The following PIK3R6 variants were observed in gnomAD, a reference collection of about 807,000 sequenced individuals.
PIK3R6 encodes the protein phosphoinositide 3-kinase regulatory subunit 6.
In PIK3R6, 91 loss-of-function variants were observed where a neutral mutation model predicts 84.9. That is an observed-to-expected ratio of 1.07 (90% confidence interval 0.90 to 1.28). PIK3R6 has a LOEUF of 1.28. Ranked by LOEUF, PIK3R6 falls within the 50% of genes most tolerant of loss-of-function variation. PIK3R6 has a pLI of 0.00. For synonymous variants in PIK3R6, 416 were observed against 411.4 expected (o/e 1.01, Z -0.13); for missense variants, 996 against 985.1 (o/e 1.01, Z -0.15).
intron 18 of PIK3R6, among the ~76,000 whole-genome samples, chr17:8,815,306 G>C (rs112537998): frequency 0.023 from 3,443 of 152,278 alleles, 126 homozygotes; most frequent in African/African-American, 0.076. Context: ...AAGAGATAGA[G>C]ACAATCCTGG....
chr17:8,806,476 C>A (rs940893200), intron 18 of PIK3R6, among the ~76,000 whole-genome samples: 3 of 152,164 alleles, frequency 2.0e-5, no homozygotes, highest in Admixed American at 1.3e-4. Context: ...TTTCATTTCC[C>A]TTTGTGGTCT....
chr17:8,829,548 A>C (rs1567588723), intron 10 of PIK3R6, among the ~76,000 whole-genome samples, 158 bp downstream of exon 10: 2 of 149,766 alleles, frequency 1.3e-5, no homozygotes, highest in African/African-American at 5.0e-5. Context: ...ATGCACACAG[A>C]CACACACTCA....
chr17:8,828,413 C>T (rs1010849222), intron 11 of PIK3R6, among the ~76,000 whole-genome samples, 154 bp downstream of exon 11: 3 of 152,114 alleles, frequency 2.0e-5, no homozygotes, highest in Non-Finnish European at 2.9e-5. Context: ...TGCTCTGTGA[C>T]GGCTGCGGGC....
chr17:8,814,613 C>T (rs1454359120), intron 18 of PIK3R6, among the ~76,000 whole-genome samples: 1 of 151,802 alleles, frequency 6.6e-6, no homozygotes, highest in Non-Finnish European at 1.5e-5. Context: ...AAGAAAACTC[C>T]CCCAAAATTG....
chr17:8,835,136 C>G (rs931909446), intron 8 of PIK3R6, 137 bp downstream of exon 8: 2 of 1,066,542 alleles, frequency 1.9e-6, no homozygotes, highest in East Asian at 5.4e-5. Flanking sequence ...CTGCGCCCAG[C>G]CAAAATGTAT....
intron 9 of PIK3R6, among the ~76,000 whole-genome samples, chr17:8,831,732 T>C (rs1312038677): frequency 6.6e-6 from 1 of 152,182 alleles, no homozygotes; most frequent in Non-Finnish European, 1.5e-5. Flanking sequence ...CCATGCCTTA[T>C]AATGACAGGT....
Position 8,827,763 on chromosome 17 carries a change from G to GGAGAGAGAGA in PIK3R6, c.1392+339_1392+348dup, listed in dbSNP as rs199969342. ...AAGGGGAGAGAGAGAGAGAGAGAGA[G>GGAGAGAGAGA]GAGAGAGAGAGAGAGAGAGAGAGAG... is the stretch of plus-strand genomic sequence containing the variant. On this transcript the variant is annotated intron_variant, in intron 12 of 19. Coordinates refer to ENST00000619866, the MANE Select transcript of PIK3R6 (RefSeq NM_001010855.4). Among the ~76,000 whole-genome samples, 105 of 34,800 alleles carry GGAGAGAGAGA rather than the reference G, an allele frequency of 3.0e-3. 2 individuals are homozygous for GGAGAGAGAGA. The highest frequency in any genetic ancestry group is 4.0e-3 in the Non-Finnish European group (68 of 17,172). The allele number at this position is 34,800 out of a possible 152,430, so 22.8% of individuals were successfully genotyped here.
chr17:8,816,781 C>A lies in PIK3R6; in HGVS notation c.1995+2302G>T, dbSNP rs139576361. On this transcript the variant is annotated intron_variant, in intron 18 of 19. Coordinates refer to ENST00000619866, the MANE Select transcript of PIK3R6 (RefSeq NM_001010855.4). ...AAAATCAATCACTATCTGAATTGTG[C>A]TGAAAAATTGGCACTCAAACACTAC... Among the ~76,000 whole-genome samples the A allele has an allele frequency of 5.8e-4, 89 of 152,266 alleles. No individual in the cohort carries two copies. The East Asian group carries it at 0.013, about 22-fold the overall frequency.
At chr17:8,806,105 CT>C (rs1170510870) in intron 18 of PIK3R6, among the ~76,000 whole-genome samples, 3 of 152,178 alleles carry the variant, frequency 2.0e-5, no homozygotes, top group African/African-American at 7.2e-5. Flanking sequence ...CCTGGAGAGA[CT>C]GCAGGGGGCT....
intron 18 of PIK3R6, among the ~76,000 whole-genome samples, chr17:8,814,589 A>G (rs2087466251): frequency 6.6e-6 from 1 of 152,134 alleles, no homozygotes; most frequent in South Asian, 2.1e-4. Flanking sequence ...CTAAATTTTC[A>G]AAAAATGAAT....
intron 1 of PIK3R6, among the ~76,000 whole-genome samples, chr17:8,856,080 G>A (rs552602491): frequency 6.6e-6 from 1 of 152,002 alleles, no homozygotes; most frequent in Non-Finnish European, 1.5e-5. Flanking sequence ...CCTGCATGCC[G>A]TATGGTTCCA....
At chr17:8,861,368 C>G (rs979028639) in intron 1 of PIK3R6, among the ~76,000 whole-genome samples, 5 of 152,200 alleles carry the variant, frequency 3.3e-5, no homozygotes, top group Non-Finnish European at 5.9e-5. Context: ...CTCTGTACTT[C>G]TCCCTAGCAC....
intron 2 of PIK3R6, among the ~76,000 whole-genome samples, chr17:8,841,702 A>G (rs975615338): frequency 3.8e-5 from 5 of 131,846 alleles, no homozygotes; most frequent in African/African-American, 1.1e-4. Flanking sequence ...TTGACATGGG[A>G]AAAAAAAAAA....
chr17:8,837,880 CAGG>C lies in PIK3R6; in HGVS notation c.190-12_190-10del. 3 of 1,612,226 alleles carry C rather than the reference CAGG, an allele frequency of 1.9e-6. No homozygotes were observed. The highest frequency in any genetic ancestry group is 2.5e-6 in the Non-Finnish European group (3 of 1,178,294). ...AGGTCCTGGCTTTCCGCCTGGAAAA[CAGG>C]AGATCACGTGACAGGTATTGGGCTG... On this transcript the variant is annotated splice_polypyrimidine_tract_variant and intron_variant, in intron 4 of 19. Transcript: ENST00000619866.
At chr17:8,836,006 C>T (rs1056372900) in intron 7 of PIK3R6, among the ~76,000 whole-genome samples, 16 of 152,142 alleles carry the variant, frequency 1.1e-4, no homozygotes, top group Admixed American at 6.5e-4. Context: ...CTTTCAGGGC[C>T]AAGTTAGTGG....
At chr17:8,837,071 A>G (rs2088498069) in intron 5 of PIK3R6, 148 bp from the exon 6 acceptor site, 1 of 647,468 alleles carries the variant, frequency 1.5e-6, no homozygotes, top group Non-Finnish European at 2.7e-6. Context: ...CTGGGCTCAC[A>G]GCTCTCTCCC....
chr17:8,838,370 T>C, intron 4 of PIK3R6, 194 bp downstream of exon 4: 1 of 542,736 alleles, frequency 1.8e-6, no homozygotes, highest in Non-Finnish European at 3.3e-6. Context: ...AAGATGTTTA[T>C]TCAAGTAAAA....
intron 12 of PIK3R6, 75 bp from the exon 13 acceptor site, chr17:8,827,369 C>T: frequency 1.3e-6 from 2 of 1,493,264 alleles, no homozygotes; most frequent in Non-Finnish European, 1.8e-6. Context: ...TCAGCCTAGG[C>T]TGTGTGAATA....
chr17:8,863,242 ATATAT>A (rs974230821), intron 1 of PIK3R6, among the ~76,000 whole-genome samples: 53 of 152,184 alleles, frequency 3.5e-4, no homozygotes, highest in African/African-American at 1.2e-3. Flanking sequence ...TTGTCAATTG[ATATAT>A]TATAATTGCA....
Sources: allele counts gnomAD v4.1 joint callset (sites outside exome capture counted in the v4.1 genomes callset), GRCh38; gene constraint gnomAD v4.1.1; transcripts MANE v1.5; gene names NCBI Gene and HGNC (gene_info 2026-07-23, HGNC 2026-07-21).